UROC1: variants seen among roughly 807,000 people sequenced by gnomAD.
UROC1 encodes urocanate hydratase.
UROC1 carries 79 observed loss-of-function variants against 89.5 expected under a neutral mutation model. The ratio of observed to expected loss-of-function variants is 0.88; its 90% CI spans 0.74 to 1.06. UROC1 has a LOEUF of 1.06. Among genes scored for constraint, UROC1 ranks in the 50% least tolerant of loss-of-function variants. The pLI is 0.00. For synonymous variants in UROC1, 361 were observed against 354.8 expected, an observed-to-expected ratio of 1.02 and a Z score of -0.20; for missense variants, 885 against 907.8, an observed-to-expected ratio of 0.97 and a Z score of 0.32.
chr3:126,489,968 G>A (rs561683543), intron 16 of UROC1, among the ~76,000 whole-genome samples: 216 of 152,302 alleles, frequency 1.4e-3, no homozygotes, highest in African/African-American at 4.5e-3. Context: ...CAGGCAGCCT[G>A]GCCCCTGACC....
chr3:126,513,993 A>C (rs1344279324), intron 1 of UROC1, among the ~76,000 whole-genome samples: 3 of 152,128 alleles, frequency 2.0e-5, no homozygotes, highest in Non-Finnish European at 4.4e-5. Context: ...CTCCGTCTCC[A>C]CATCTGTGCA....
At chr3:126,498,709 C>T (rs1479586188) in intron 13 of UROC1, among the ~76,000 whole-genome samples, 1 of 152,148 alleles carries the variant, frequency 6.6e-6, no homozygotes, top group East Asian at 1.9e-4. Flanking sequence ...CCCCTCCCAC[C>T]TCTGCACCCC....
At chr3:126,507,833 G>A (rs368123703) in intron 5 of UROC1, 30 bp from the exon 6 acceptor site, 2 of 1,613,848 alleles carry the variant, frequency 1.2e-6, no homozygotes, top group African/African-American at 1.3e-5. Context: ...CAGACAGAGG[G>A]GCTGAGGGCT....
rs116307125 is a variant in UROC1 at position 126,504,724 on chromosome 3, T to C, written c.814-641A>G. Among the ~76,000 whole-genome samples, 208 of 152,328 alleles carry C rather than the reference T, an allele frequency of 1.4e-3. 1 individual carries two copies. Among genetic ancestry groups the C allele is most frequent in the African/African-American group, 4.8e-3 (201 of 41,578 alleles). On this transcript the variant is annotated intron_variant, in intron 8 of 19. Transcript: ENST00000290868. ...AGGTACGTATGATGTAGGTTTGGCA[T>C]CAACTGAGTGCAAATCCCACTGGCA... is the stretch of plus-strand genomic sequence containing the variant.
At chr3:126,502,545 G>A (rs1222775165) in intron 9 of UROC1, among the ~76,000 whole-genome samples, 1 of 150,998 alleles carries the variant, frequency 6.6e-6, no homozygotes, top group Admixed American at 6.6e-5. Context: ...TTATGTTTGT[G>A]CATGAGTTAT....
intron 2 of UROC1, among the ~76,000 whole-genome samples, chr3:126,509,930 T>C (rs1047690042): frequency 2.0e-5 from 3 of 152,230 alleles, no homozygotes; most frequent in Non-Finnish European, 2.9e-5. Flanking sequence ...AAAGCAGAAC[T>C]GATGGCTGCT....
rs1361602380 is a variant in UROC1, at chr3:126,482,258, G to A, written c.*87C>T. The stretch of plus-strand genomic sequence containing the variant: ...GATGTGCGAGAAGTGCAGGTAGTGC[G>A]GGTGTGCAGGAAGGGTGTGTGCCAT... On this transcript the variant is annotated 3_prime_UTR_variant, in exon 20 of 20. Coordinates refer to ENST00000290868, the MANE Select transcript of UROC1 (RefSeq NM_144639.3). 2.0e-5 allele frequency: 31 copies of A among 1,570,380 alleles called. No individual in the cohort carries two copies. The East Asian group carries it at 4.0e-4, about 21-fold the overall frequency.
chr3:126,486,920 A>C (rs886456935), intron 18 of UROC1, among the ~76,000 whole-genome samples: 1 of 152,202 alleles, frequency 6.6e-6, no homozygotes, highest in African/African-American at 2.4e-5. Flanking sequence ...GGGTCCCAGG[A>C]TGAATTTGTG....
At chr3:126,487,742 C>T (rs1935548560) in intron 18 of UROC1, among the ~76,000 whole-genome samples, 1 of 152,238 alleles carries the variant, frequency 6.6e-6, no homozygotes, top group Admixed American at 6.5e-5. Context: ...GGAACCAAGA[C>T]ACCAGGTCTC....
chr3:126,493,295 A>G (rs1935696253), intron 15 of UROC1, among the ~76,000 whole-genome samples: 1 of 152,220 alleles, frequency 6.6e-6, no homozygotes, highest in African/African-American at 2.4e-5. Context: ...AGAAGCCCCC[A>G]ATGACTCCAA....
intron 16 of UROC1, among the ~76,000 whole-genome samples, chr3:126,491,045 G>T (rs1286345985): frequency 6.6e-6 from 1 of 152,174 alleles, no homozygotes; most frequent in Non-Finnish European, 1.5e-5. Flanking sequence ...GATGCCCTGT[G>T]CTCTTGAATG....
chr3:126,482,588 G>A, intron 19 of UROC1, 103 bp from the exon 20 acceptor site: 1 of 1,564,868 alleles, frequency 6.4e-7, no homozygotes, highest in Non-Finnish European at 8.8e-7. Context: ...GACCTCTGAG[G>A]CTGTCCGTGG....
At chr3:126,493,828 T>G (rs961299769) in intron 15 of UROC1, among the ~76,000 whole-genome samples, 1 of 152,230 alleles carries the variant, frequency 6.6e-6, no homozygotes, top group African/African-American at 2.4e-5. Context: ...CCCTGGTTTC[T>G]CCAAAGAAGA....
In UROC1 at chr3:126,482,472, C is replaced by T. The variant is rs1935410811; in HGVS notation, c.1904G>A (p.Cys635Tyr). 6.2e-7 allele frequency: 1 copy of T among 1,613,892 alleles called. No individual in the cohort carries two copies. The highest frequency in any genetic ancestry group is 1.3e-5 in the African/African-American group (1 of 74,934). ...WDVSNGVARR[C>Y]WSGNQKAYEI... is the part of the protein sequence containing the mutation. ...ATAGGCCTTCTGGTTCCCTGACCAG[C>T]AGCGCCGGGCCACCTAGGGCAAGGA... The change falls in exon 20 of 20, where the codon TGC (cysteine) becomes TAC (tyrosine). Residue 635 changes from cysteine (C) to tyrosine (Y), a missense_variant. Cys to Tyr is a radical substitution (Grantham distance 194). Coordinates refer to ENST00000290868, the MANE Select transcript of UROC1 (RefSeq NM_144639.3).
Position 126,504,054 on chromosome 3 carries a change from G to A in UROC1, c.843C>T (p.His281=). The A allele has an allele frequency of 6.2e-7, 1 of 1,614,058 alleles. No individual in the cohort carries two copies. Among genetic ancestry groups the A allele is most frequent in the Non-Finnish European group, 8.5e-7 (1 of 1,180,040 alleles). The change falls in exon 9 of 20, where the codon CAC becomes CAT. Residue 281 remains histidine (H), a synonymous_variant. Coordinates refer to ENST00000290868, the MANE Select transcript of UROC1 (RefSeq NM_144639.3). The part of the protein sequence containing the change: ...EVDKAALEKR[H]RQGWLMEVTD... ...TCACTTCCATCAGCCAGCCCTGCCT[G>A]TGGCGTTTCTCAAGGGCTGCTTTAT...
chr3:126,509,534 G>C, intron 3 of UROC1, 51 bp downstream of exon 3: 3 of 1,455,504 alleles, frequency 2.1e-6, no homozygotes, highest in Non-Finnish European at 2.8e-6. Flanking sequence ...CGTGTGTCTC[G>C]TGTTCTGTTT....
At chr3:126,501,153 G>A in intron 10 of UROC1, 65 bp downstream of exon 10, 1 of 1,518,236 alleles carries the variant, frequency 6.6e-7, no homozygotes. Context: ...TCAGCATTGA[G>A]GTCTTTGCTC....
chr3:126,505,573 A>G (rs13324505), intron 8 of UROC1, 128 bp downstream of exon 8: 88,107 of 1,437,364 alleles, frequency 0.061, 3,045 homozygotes, highest in African/African-American at 0.12. Flanking sequence ...TGGAGGAGGC[A>G]AGGGTGGCCT....
At chr3:126,512,111 T>A (rs1168594) in intron 1 of UROC1, among the ~76,000 whole-genome samples, 48,950 of 152,154 alleles carry the variant, frequency 0.32, 8,060 homozygotes, top group Admixed American at 0.38. Flanking sequence ...TAATCCTCCA[T>A]GCCTTGGACT....
Sources: gnomAD v4.1 joint callset for allele counts (sites outside exome capture counted in the v4.1 genomes callset) on GRCh38, gnomAD v4.1.1 for gene constraint, MANE v1.5 for transcripts, NCBI Gene and HGNC (gene_info 2026-07-23, HGNC 2026-07-21) for gene names.